Variants in PDE3B observed in about 807,000 individuals in gnomAD.
The protein encoded by PDE3B is phosphodiesterase 3B.
Under a neutral mutation model 116.8 loss-of-function variants are expected in PDE3B, and 66 were observed. That is an observed-to-expected ratio of 0.56 (90% CI 0.46 to 0.69). PDE3B has a LOEUF of 0.69. Among genes scored for constraint, PDE3B ranks in the 30% least tolerant of loss-of-function variants. The probability of loss-of-function intolerance (pLI) is 0.00; values close to 1 mark genes in which losing one functional copy is unlikely to be tolerated. For missense variants in PDE3B, 1,384 were observed against 1,368.1 expected, an observed-to-expected ratio of 1.01 and a Z score of -0.18; for synonymous variants, 595 against 533.6, an observed-to-expected ratio of 1.12 and a Z score of -1.59.
chr11:14,773,584 T>C (rs1857704042), intron 2 of PDE3B: 1 of 152,210 alleles, frequency 6.6e-6, no homozygotes, highest in African/African-American at 2.4e-5. Flanking sequence ...AAGAATGCTC[T>C]GGTGAAGCTA....
At chr11:14,692,238 C>T (rs59500198) in intron 1 of PDE3B, among the ~76,000 whole-genome samples, 20,048 of 152,022 alleles carry the variant, frequency 0.13, 1,526 homozygotes, top group African/African-American at 0.2. Context: ...CATGCCATTG[C>T]ACTCCAGCCT....
At chr11:14,879,375 T>C in the PDE3B span, 1 of 1,610,608 alleles carries the variant, frequency 6.2e-7, no homozygotes. Flanking sequence ...TAAGGCATTT[T>C]GCATTTGTCG....
chr11:14,694,139 T>A (rs554625678), intron 1 of PDE3B, among the ~76,000 whole-genome samples: 1 of 152,272 alleles, frequency 6.6e-6, no homozygotes, highest in African/African-American at 2.4e-5. Flanking sequence ...CTTGAACATA[T>A]GAGTAGTTAC....
chr11:14,804,120 T>C, intron 5 of PDE3B, 70 bp downstream of exon 5: 1 of 802,754 alleles, frequency 1.2e-6, no homozygotes, highest in South Asian at 1.5e-5. Context: ...ACACTTTTCA[T>C]CACATATTTA....
At chr11:14,761,138 T>C (rs918034638) in intron 1 of PDE3B, among the ~76,000 whole-genome samples, 4 of 152,244 alleles carry the variant, frequency 2.6e-5, no homozygotes, top group Admixed American at 2.0e-4. Context: ...AGCAGCGCTA[T>C]TAATATAGAA....
At chr11:14,855,800 T>TA (rs1847838163) in intron 12 of PDE3B, among the ~76,000 whole-genome samples, 1 of 152,140 alleles carries the variant, frequency 6.6e-6, no homozygotes. Flanking sequence ...ATTTTCAAGT[T>TA]AGAGTTCTAT....
In PDE3B at chr11:14,644,708, G is replaced by T; in HGVS notation, c.633G>T (p.Ala211=). The T allele has an allele frequency of 1.3e-6, 2 of 1,527,718 alleles. No homozygotes were observed. Among genetic ancestry groups the T allele is most frequent in the Non-Finnish European group, 1.8e-6 (2 of 1,139,746 alleles). The allele number at this position is 1,527,718 out of a possible 1,614,324, so 94.6% of individuals were successfully genotyped here. ...GCGTAGGGCTGCTGCTGACGCTCGC[G>T]CACCCGCTGCGGCTCCGGCACTGCG... ...LSCVGLLLTL[A]HPLRLRHCVL... The change falls in exon 1 of 16, where the codon GCG becomes GCT. Residue 211 remains alanine, a synonymous_variant. Coordinates refer to ENST00000282096, the MANE Select transcript of PDE3B (RefSeq NM_000922.4).
intron 1 of PDE3B, among the ~76,000 whole-genome samples, chr11:14,677,057 C>G (rs571699667): frequency 8.5e-5 from 13 of 152,092 alleles, no homozygotes; most frequent in Non-Finnish European, 1.8e-4. Flanking sequence ...GTTGAAAAGA[C>G]TTGACACCCT....
the PDE3B span, among the ~76,000 whole-genome samples, chr11:14,878,816 C>T: frequency 6.6e-6 from 1 of 152,086 alleles, no homozygotes; most frequent in Non-Finnish European, 1.5e-5. Flanking sequence ...CTCTCTGGGT[C>T]TCAGTTTCTC....
chr11:14,668,877 G>GC (rs11408185), intron 1 of PDE3B, among the ~76,000 whole-genome samples: 97,147 of 151,934 alleles, frequency 0.64, 31,193 homozygotes, highest in Middle Eastern at 0.7. Context: ...TGTTTTGGAA[G>GC]CTGTTTGTCT....
chr11:14,896,552 T>C, the PDE3B span, among the ~76,000 whole-genome samples: 1 of 152,214 alleles, frequency 6.6e-6, no homozygotes. Flanking sequence ...TTTTGTTTTC[T>C]GAAGTAAAGA....
chr11:14,806,524 A>T (rs1858930512), intron 5 of PDE3B, among the ~76,000 whole-genome samples: 1 of 151,828 alleles, frequency 6.6e-6, no homozygotes, highest in African/African-American at 2.4e-5. Context: ...AATAGCAAAG[A>T]CTTGGAACCA....
In PDE3B at chr11:14,869,669, T is replaced by A. The variant is rs150408515; in HGVS notation, c.*9T>A. On this transcript the variant is annotated 3_prime_UTR_variant, in exon 16 of 16. Coordinates refer to ENST00000282096, the MANE Select transcript of PDE3B (RefSeq NM_000922.4). Reference sequence around the variant, plus strand: ...CAGATGAAGAGGAATAGCGACAGTTTGAGTAAAAGAAAAGTCATATTGAAG... The same window carrying A: ...CAGATGAAGAGGAATAGCGACAGTTAGAGTAAAAGAAAAGTCATATTGAAG... The A allele has an allele frequency of 2.8e-3, 4,542 of 1,610,724 alleles. 46 individuals are homozygous for A. The highest frequency in any genetic ancestry group is 0.023 in the South Asian group (2,132 of 90,900).
chr11:14,891,811 G>A, the PDE3B span: 4 of 1,422,224 alleles, frequency 2.8e-6, no homozygotes, highest in Non-Finnish European at 3.7e-6. Context: ...ACGGCGTCGA[G>A]GACTTCTCCC....
intron 1 of PDE3B, among the ~76,000 whole-genome samples, chr11:14,760,838 A>G (rs1045377281): frequency 6.6e-6 from 1 of 152,202 alleles, no homozygotes; most frequent in Non-Finnish European, 1.5e-5. Context: ...ATATTTTAAT[A>G]CTTGTATACA....
the PDE3B span, among the ~76,000 whole-genome samples, chr11:14,890,161 A>C: frequency 6.6e-6 from 1 of 151,926 alleles, no homozygotes; most frequent in Non-Finnish European, 1.5e-5. Context: ...TAACATACAC[A>C]ATAACCAAGA....
the PDE3B span, chr11:14,892,354 G>C: frequency 1.4e-3 from 992 of 726,888 alleles, 2 homozygotes; most frequent in Middle Eastern, 3.8e-3. Flanking sequence ...AGGCCCCTTC[G>C]GGACAACTAC....
intron 15 of PDE3B, among the ~76,000 whole-genome samples, 169 bp downstream of exon 15, chr11:14,867,927 G>A (rs1848077839): frequency 6.6e-6 from 1 of 152,090 alleles, no homozygotes; most frequent in African/African-American, 2.4e-5. Context: ...TCAATTAGGG[G>A]TGCTAAATAT....
chr11:14,757,864 A>G (rs1206646708), intron 1 of PDE3B, among the ~76,000 whole-genome samples: 249 of 149,702 alleles, frequency 1.7e-3, no homozygotes, highest in African/African-American at 5.7e-3. Flanking sequence ...TGTTTTGGAC[A>G]TGAAGTCCTT....
Sources: gnomAD v4.1 joint callset for allele counts (sites outside exome capture counted in the v4.1 genomes callset) on GRCh38, gnomAD v4.1.1 for gene constraint, MANE v1.5 for transcripts, NCBI Gene and HGNC (gene_info 2026-07-23, HGNC 2026-07-21) for gene names.